The following SEMA3E variants were observed in gnomAD, a reference collection of about 807,000 sequenced individuals.
SEMA3E encodes semaphorin 3E.
SEMA3E carries 49 observed loss-of-function variants against 93.6 expected under a neutral mutation model. That is an observed-to-expected ratio of 0.52 (90% CI 0.42 to 0.66). The LOEUF is 0.66. Among genes scored for constraint, SEMA3E ranks in the 30% least tolerant of loss-of-function variants. The probability of loss-of-function intolerance (pLI) is 0.00; values close to 1 mark genes in which losing one functional copy is unlikely to be tolerated. For synonymous variants in SEMA3E, 363 were observed against 330.7 expected (o/e 1.10, Z -1.06); for missense variants, 906 against 964.8 (o/e 0.94, Z 0.81).
intron 1 of SEMA3E, among the ~76,000 whole-genome samples, chr7:83,556,121 G>A (rs997071670): frequency 2.6e-5 from 4 of 152,004 alleles, no homozygotes; most frequent in East Asian, 3.9e-4. Flanking sequence ...CATGTTATAC[G>A]TTTTTATATG....
rs770180369 is a variant in SEMA3E at position 83,408,437 on chromosome 7, C to T, written c.601G>A (p.Ala201Thr). ...AGTCGCCCCATGCTGCGGAAGATCG[C>T]AGCGTCTCTGCTCCAGTAGTCACTG... ...LYSDYWSRDA[A>T]IFRSMGRLAH... Residue 201 changes from alanine (A) to threonine (T), a missense_variant, in exon 6 of 17, where the codon GCG becomes ACG. By Grantham distance (58) the Ala-to-Thr change is moderately conservative. Coordinates refer to ENST00000643230, the MANE Select transcript of SEMA3E (RefSeq NM_012431.3). 2.5e-6 allele frequency: 4 copies of T among 1,613,676 alleles called. No homozygotes were observed. The African/African-American group carries it at 4.0e-5, about 16-fold the overall frequency.
intron 1 of SEMA3E, among the ~76,000 whole-genome samples, chr7:83,573,770 A>G (rs1164609989): frequency 6.6e-6 from 1 of 151,952 alleles, no homozygotes; most frequent in East Asian, 1.9e-4. Flanking sequence ...TATTCTTTAT[A>G]GTGATAATAA....
intron 16 of SEMA3E, among the ~76,000 whole-genome samples, chr7:83,371,086 A>T (rs951868227): frequency 9.9e-5 from 15 of 152,174 alleles, no homozygotes; most frequent in African/African-American, 3.6e-4. Context: ...AGGATTTTTT[A>T]AATTATTGTG....
chr7:83,643,561 G>C lies in SEMA3E; in HGVS notation c.115+4867C>G, dbSNP rs543209407. On this transcript the variant is annotated intron_variant, in intron 1 of 16. Coordinates refer to ENST00000643230, the MANE Select transcript of SEMA3E (RefSeq NM_012431.3). ...CCAGATAAGAATTTAATAATTCATA[G>C]AAACATTTGGGGACTTTCATATATC... 7.9e-5 allele frequency among the ~76,000 whole-genome samples: 12 copies of C among 151,938 alleles called. No homozygotes were observed. The South Asian group carries it at 2.5e-3, about 32-fold the overall frequency.
intron 9 of SEMA3E, among the ~76,000 whole-genome samples, chr7:83,403,692 T>C (rs1439567300): frequency 1.3e-5 from 2 of 151,978 alleles, no homozygotes; most frequent in African/African-American, 4.8e-5. Flanking sequence ...TAAAGTTTCC[T>C]ACATCCTGAG....
Position 83,641,437 on chromosome 7 carries a change from T to C in SEMA3E, c.115+6991A>G, listed in dbSNP as rs755927599. The C allele has an allele frequency of 4.2e-5, 41 of 970,514 alleles. No individual in the cohort carries two copies. The East Asian group carries it at 8.0e-4, about 19-fold the overall frequency. The allele number at this position is 970,514 out of a possible 1,614,324, so 60.1% of individuals were successfully genotyped here. A position where few individuals can be genotyped will look rare whatever the true frequency, so the allele number is the denominator to read the frequency against. On this transcript the variant is annotated intron_variant, in intron 1 of 16. Coordinates refer to ENST00000643230, the MANE Select transcript of SEMA3E (RefSeq NM_012431.3). ...TATAGGACACTGTTTAGTTTAACTT[T>C]AGGCAGTGTGGTCTGGCCTTAGTAA...
intron 1 of SEMA3E, among the ~76,000 whole-genome samples, chr7:83,627,185 T>C (rs1420363963): frequency 6.6e-6 from 1 of 152,208 alleles, no homozygotes; most frequent in Non-Finnish European, 1.5e-5. Context: ...TTCTGTTGAT[T>C]TGGAGTGGAG....
At chr7:83,583,589 C>A (rs1792558830) in intron 1 of SEMA3E, among the ~76,000 whole-genome samples, 1 of 152,140 alleles carries the variant, frequency 6.6e-6, no homozygotes, top group Non-Finnish European at 1.5e-5. Flanking sequence ...ATCCCCATCT[C>A]AGGAGCTAAA....
At chr7:83,402,509 A>G in intron 10 of SEMA3E, 123 bp downstream of exon 10, 1 of 827,480 alleles carries the variant, frequency 1.2e-6, no homozygotes, top group Non-Finnish European at 1.9e-6. Context: ...ACTTTTCACC[A>G]AGCATACTTT....
intron 4 of SEMA3E, among the ~76,000 whole-genome samples, chr7:83,430,251 G>A (rs1403951215): frequency 6.6e-6 from 1 of 152,074 alleles, no homozygotes; most frequent in African/African-American, 2.4e-5. Flanking sequence ...GATCACTTGA[G>A]GCCAGGAGTT....
chr7:83,407,781 A>G (rs1305882798), intron 6 of SEMA3E, among the ~76,000 whole-genome samples: 2 of 152,182 alleles, frequency 1.3e-5, no homozygotes, highest in African/African-American at 4.8e-5. Flanking sequence ...TTGATATGGT[A>G]TGTAAAATAT....
chr7:83,421,133 T>C (rs1788663092), intron 4 of SEMA3E, among the ~76,000 whole-genome samples: 2 of 142,564 alleles, frequency 1.4e-5, no homozygotes, highest in East Asian at 1.9e-4. Flanking sequence ...ATTTTTTTAA[T>C]AGTTTGGAAA....
intron 5 of SEMA3E, among the ~76,000 whole-genome samples, chr7:83,414,463 G>A (rs1788503145): frequency 6.6e-6 from 1 of 151,824 alleles, no homozygotes; most frequent in South Asian, 2.1e-4. Context: ...TCATAATAAG[G>A]ATATATATTC....
At chr7:83,553,517 G>A (rs1201901410) in intron 1 of SEMA3E, among the ~76,000 whole-genome samples, 1 of 152,124 alleles carries the variant, frequency 6.6e-6, no homozygotes, top group African/African-American at 2.4e-5. Context: ...CTCAGGGCTA[G>A]TACCATGCTT....
intron 1 of SEMA3E, among the ~76,000 whole-genome samples, chr7:83,613,614 T>C (rs1033706164): frequency 1.3e-4 from 20 of 152,096 alleles, no homozygotes; most frequent in Admixed American, 1.3e-3. Flanking sequence ...TGAATTAAGA[T>C]TGTCAGTATT....
At chr7:83,528,034 A>G (rs1791198780) in intron 1 of SEMA3E, among the ~76,000 whole-genome samples, 1 of 152,066 alleles carries the variant, frequency 6.6e-6, no homozygotes, top group Non-Finnish European at 1.5e-5. Context: ...TTTGATTTAC[A>G]CTGAATTACT....
At chr7:83,443,308 A>G (rs1789156882) in intron 4 of SEMA3E, among the ~76,000 whole-genome samples, 1 of 152,192 alleles carries the variant, frequency 6.6e-6, no homozygotes, top group Non-Finnish European at 1.5e-5. Flanking sequence ...TTGGAACATG[A>G]AAGAGCCCAT....
chr7:83,389,207 T>C (rs1417981745), intron 14 of SEMA3E, among the ~76,000 whole-genome samples: 1 of 152,158 alleles, frequency 6.6e-6, no homozygotes, highest in Non-Finnish European at 1.5e-5. Context: ...ACAATTATTA[T>C]ACAACCAATA....
chr7:83,385,776 G>T (rs1364813082), intron 15 of SEMA3E, among the ~76,000 whole-genome samples: 1 of 152,062 alleles, frequency 6.6e-6, no homozygotes, highest in Non-Finnish European at 1.5e-5. Context: ...CAAAGCACAG[G>T]ACAAAATTCG....
Sources: gnomAD v4.1 joint callset for allele counts (sites outside exome capture counted in the v4.1 genomes callset) on GRCh38, gnomAD v4.1.1 for gene constraint, MANE v1.5 for transcripts, NCBI Gene and HGNC (gene_info 2026-07-23, HGNC 2026-07-21) for gene names.